Variants in GNG2 observed in about 807,000 individuals in gnomAD.
The protein encoded by GNG2 is guanine nucleotide-binding protein G(I)/G(S)/G(O) subunit gamma-2.
Under a neutral mutation model 5.5 loss-of-function variants are expected in GNG2, and 5 were observed. That is an observed-to-expected ratio of 0.91 (90% CI 0.48 to 1.92). GNG2 has a LOEUF of 1.92. Ranked by LOEUF, GNG2 falls within the 30% of genes most tolerant of loss-of-function variation. The pLI, the probability that GNG2 is intolerant of heterozygous loss-of-function variation, is 0.01. For synonymous variants in GNG2, 28 were observed against 32.0 expected, an observed-to-expected ratio of 0.88 and a Z score of 0.42; for missense variants, 55 against 88.4, an observed-to-expected ratio of 0.62 and a Z score of 1.52.
intron 2 of GNG2, among the ~76,000 whole-genome samples, chr14:51,920,738 T>C (rs1490354816): frequency 2.0e-5 from 3 of 152,204 alleles, no homozygotes; most frequent in African/African-American, 7.2e-5. Context: ...ATGTAGGCAG[T>C]GGAAGATGCC....
intron 2 of GNG2, among the ~76,000 whole-genome samples, chr14:51,833,573 G>A (rs940132924): frequency 3.3e-5 from 5 of 152,138 alleles, no homozygotes; most frequent in African/African-American, 1.2e-4. Flanking sequence ...TTCAAAAGGT[G>A]GAGATGCCAG....
chr14:51,908,571 TAG>T (rs1348026476), intron 2 of GNG2, among the ~76,000 whole-genome samples: 35 of 149,738 alleles, frequency 2.3e-4, no homozygotes, highest in African/African-American at 5.2e-4. Context: ...TCCATATATA[TAG>T]AGAGAGAGAG....
At chr14:51,861,250 T>C (rs1008333619) in intron 1 of GNG2, 1 of 152,192 alleles carries the variant, frequency 6.6e-6, no homozygotes, top group Non-Finnish European at 1.5e-5. Flanking sequence ...GGGAGTTAAA[T>C]TCTTTTGTAC....
intron 2 of GNG2, among the ~76,000 whole-genome samples, chr14:51,887,702 G>T (rs534801977): frequency 6.6e-6 from 1 of 152,146 alleles, no homozygotes; most frequent in Non-Finnish European, 1.5e-5. Flanking sequence ...TGAAGTTAGC[G>T]TAATACTGAC....
intron 2 of GNG2, among the ~76,000 whole-genome samples, chr14:51,929,475 A>G (rs139414044): frequency 6.6e-6 from 1 of 152,164 alleles, no homozygotes; most frequent in African/African-American, 2.4e-5. Flanking sequence ...AAATCACAGA[A>G]CCCTCTAGCA....
At chr14:51,950,816 G>T (rs777449701) in intron 3 of GNG2, 51 bp downstream of exon 3, 1 of 1,088,040 alleles carries the variant, frequency 9.2e-7, no homozygotes, top group South Asian at 1.6e-5. Context: ...TAAGGCGCAT[G>T]TCATGTGACC....
intron 2 of GNG2, among the ~76,000 whole-genome samples, chr14:51,935,747 C>T (rs1316535603): frequency 1.3e-5 from 2 of 152,068 alleles, no homozygotes. Context: ...AGCCTGGCAC[C>T]GGCATCTGCT....
chr14:51,917,149 G>T (rs910879892), intron 2 of GNG2, among the ~76,000 whole-genome samples: 2 of 152,196 alleles, frequency 1.3e-5, no homozygotes, highest in African/African-American at 4.8e-5. Flanking sequence ...CCTTAGGCAT[G>T]TAAGTACATC....
intron 2 of GNG2, among the ~76,000 whole-genome samples, chr14:51,899,703 C>G (rs1165694349): frequency 6.6e-6 from 1 of 152,204 alleles, no homozygotes. Context: ...TGGCAGTCAG[C>G]ATTCTGCTTT....
chr14:51,966,545 G>A lies in GNG2; in HGVS notation c.88-14G>A. 1 of 1,613,104 alleles carries A rather than the reference G, an allele frequency of 6.2e-7. No homozygotes were observed. Among genetic ancestry groups the A allele is most frequent in the Non-Finnish European group, 8.5e-7 (1 of 1,179,150 alleles). On this transcript the variant is annotated splice_polypyrimidine_tract_variant and intron_variant, in intron 3 of 3. Coordinates refer to ENST00000556766, the MANE Select transcript of GNG2 (RefSeq NM_053064.5). ...CCAGACTCCAGTGTTGGTTGTTTTT[G>A]TCTCCCTTTCCAGGTGTCCAAGGCA...
intron 2 of GNG2, among the ~76,000 whole-genome samples, chr14:51,935,728 G>A (rs981766957): frequency 3.3e-5 from 5 of 151,926 alleles, no homozygotes; most frequent in South Asian, 2.1e-4. Context: ...TCTGCAGGCC[G>A]TTGTAGGAAG....
chr14:51,966,281 G>T (rs1889914125), intron 3 of GNG2, among the ~76,000 whole-genome samples: 1 of 150,688 alleles, frequency 6.6e-6, no homozygotes, highest in African/African-American at 2.4e-5. Flanking sequence ...GAAGTGCAGG[G>T]TTGACACCTG....
rs550089806 is a variant in GNG2, at chr14:51,923,906, C to T, written c.-29-26744C>T. Among the ~76,000 whole-genome samples, 10 of 152,254 alleles carry T rather than the reference C, an allele frequency of 6.6e-5. No homozygotes were observed. In the South Asian group the frequency reaches 1.7e-3, roughly 25 times the overall value. ...ACACCTCTGCCTAGGGCTGATCATG[C>T]GGGTCAGCAGGAACGGGCAACAAAA... On this transcript the variant is annotated intron_variant, in intron 2 of 3. Transcript: ENST00000556766.
At chr14:51,892,016 A>G (rs1477107862) in intron 2 of GNG2, among the ~76,000 whole-genome samples, 10 of 152,214 alleles carry the variant, frequency 6.6e-5, no homozygotes, top group Non-Finnish European at 1.5e-4. Context: ...GGTTATACCA[A>G]TTTATTCTTC....
chr14:51,939,304 A>C (rs926665986), intron 2 of GNG2, among the ~76,000 whole-genome samples: 1 of 152,186 alleles, frequency 6.6e-6, no homozygotes, highest in Non-Finnish European at 1.5e-5. Context: ...TCATTTTACA[A>C]AATTTGTGAA....
intron 2 of GNG2, among the ~76,000 whole-genome samples, chr14:51,891,803 A>C (rs1025234613): frequency 6.6e-6 from 1 of 152,194 alleles, no homozygotes; most frequent in South Asian, 2.1e-4. Flanking sequence ...ACTGTGTGAA[A>C]TATCACACAC....
At chr14:51,965,584 C>T (rs181711641) in intron 3 of GNG2, among the ~76,000 whole-genome samples, 3 of 152,248 alleles carry the variant, frequency 2.0e-5, no homozygotes, top group Admixed American at 6.5e-5. Flanking sequence ...GACGACCTCC[C>T]AGTGAAATAT....
At chr14:51,936,294 C>G (rs1036159272) in intron 2 of GNG2, among the ~76,000 whole-genome samples, 1 of 152,204 alleles carries the variant, frequency 6.6e-6, no homozygotes, top group African/African-American at 2.4e-5. Flanking sequence ...CCATGGTATA[C>G]ATTAAGTAAG....
At chr14:51,919,945 A>T (rs1398418497) in intron 2 of GNG2, among the ~76,000 whole-genome samples, 2 of 152,250 alleles carry the variant, frequency 1.3e-5, no homozygotes, top group East Asian at 3.8e-4. Flanking sequence ...GGGGAGCAGA[A>T]CTAAACACAT....
Sources: gnomAD v4.1 joint callset for allele counts (sites outside exome capture counted in the v4.1 genomes callset) on GRCh38, gnomAD v4.1.1 for gene constraint, MANE v1.5 for transcripts, NCBI Gene and HGNC (gene_info 2026-07-23, HGNC 2026-07-21) for gene names.